CALU: variants seen among roughly 807,000 people sequenced by gnomAD.
The protein encoded by CALU is IEF SSP 9302.
CALU carries 13 observed loss-of-function variants against 37.5 expected under a neutral mutation model. That is an observed-to-expected ratio of 0.35 (90% CI 0.23 to 0.55). The LOEUF is 0.55. CALU is among the 20% of genes least tolerant of loss of function. The pLI is 0.89. For synonymous variants in CALU, 114 were observed against 133.8 expected, an observed-to-expected ratio of 0.85 and a Z score of 1.02; for missense variants, 282 against 391.7, an observed-to-expected ratio of 0.72 and a Z score of 2.36.
At chr7:128,749,820 A>C (rs1185398748) in intron 2 of CALU, among the ~76,000 whole-genome samples, 1 of 152,264 alleles carries the variant, frequency 6.6e-6, no homozygotes, top group Non-Finnish European at 1.5e-5. Flanking sequence ...ATAGCATTTG[A>C]AAGTAGATAG....
intron 3 of CALU, among the ~76,000 whole-genome samples, chr7:128,758,606 G>T (rs1186698681): frequency 6.6e-6 from 1 of 152,174 alleles, no homozygotes; most frequent in Non-Finnish European, 1.5e-5. Flanking sequence ...CCTTCTAGTA[G>T]CCTTAATACC....
rs776598260 is a variant in CALU at position 128,754,396 on chromosome 7, A to G, written c.356A>G (p.Asn119Ser). The G allele has an allele frequency of 1.2e-5, 19 of 1,614,190 alleles. No homozygotes were observed. Among genetic ancestry groups the G allele is most frequent in the East Asian group, 4.5e-5 (2 of 44,884 alleles). The change falls in exon 3 of 7, where the codon AAT (asparagine) becomes AGT (serine). Residue 119 changes from asparagine (N) to serine (S), a missense_variant. By Grantham distance (46) the Asn-to-Ser change is conservative (BLOSUM62 1). Coordinates refer to ENST00000249364, the MANE Select transcript of CALU (RefSeq NM_001219.5). ...CGACAGTGGAAGGGGCATGACCTCA[A>G]TGAGGACGGCCTCGTTTCCTGGGAG... ...VERQWKGHDLNEDGLVSWEEY... is the reference protein window; with the variant it reads ...VERQWKGHDLSEDGLVSWEEY...
chr7:128,758,967 C>T lies in CALU; in HGVS notation c.512C>T (p.Ala171Val). ...GCAGACAAGGATGGAGACCTCATTG[C>T]CACCAAGGAGGAGTTCACAGCTTTC... is the stretch of plus-strand genomic sequence containing the variant. ...KMADKDGDLI[A>V]TKEEFTAFLH... The change falls in exon 4 of 7, where the codon GCC (alanine) becomes GTC (valine). Residue 171 changes from alanine (A) to valine (V), a missense_variant. Transcript: ENST00000249364. 3 of 1,612,512 alleles carry T rather than the reference C, an allele frequency of 1.9e-6. No individual in the cohort carries two copies. The highest frequency in any genetic ancestry group is 1.7e-6 in the Non-Finnish European group (2 of 1,178,610).
intron 1 of CALU, among the ~76,000 whole-genome samples, chr7:128,742,455 C>T (rs1800275069): frequency 6.6e-6 from 1 of 152,212 alleles, no homozygotes; most frequent in African/African-American, 2.4e-5. Context: ...TTTGGTCAAC[C>T]ATAATAACTG....
In CALU at chr7:128,754,404, G is replaced by A. The variant is rs780108940; in HGVS notation, c.364G>A (p.Gly122Ser). 3.7e-5 allele frequency: 59 copies of A among 1,613,968 alleles called. No homozygotes were observed. The highest frequency in any genetic ancestry group is 4.3e-5 in the Non-Finnish European group (51 of 1,180,008). Residue 122 changes from glycine to serine, a missense_variant, in exon 3 of 7, where the codon GGC (glycine) becomes AGC (serine). Transcript: ENST00000249364. ...GAAGGGGCATGACCTCAATGAGGAC[G>A]GCCTCGTTTCCTGGGAGGAGTATAA... ...QWKGHDLNED[G>S]LVSWEEYKNA...
intron 1 of CALU, among the ~76,000 whole-genome samples, chr7:128,741,592 A>G (rs539853816): frequency 6.6e-6 from 1 of 152,336 alleles, no homozygotes; most frequent in African/African-American, 2.4e-5. Context: ...ATAACAGATC[A>G]CTTCCAGCTA....
chr7:128,769,652 T>A lies in CALU; in HGVS notation c.*485T>A, dbSNP rs754227883. ...ATATTTAGAGAGAGAACACTTAGTC[T>A]TGCCTGTCAAAAAGTCCAACATTTC... On this transcript the variant is annotated 3_prime_UTR_variant, in exon 7 of 7. Transcript: ENST00000249364. 6.6e-6 allele frequency: 1 copy of A among 152,472 alleles called. No homozygotes were observed. The highest frequency in any genetic ancestry group is 2.4e-5 in the African/African-American group (1 of 41,464). The allele number at this position is 152,472 out of a possible 1,614,324, so 9.4% of individuals were successfully genotyped here.
chr7:128,744,041 A>G lies in CALU; in HGVS notation c.-11-4532A>G, dbSNP rs112353398. Among the ~76,000 whole-genome samples, 706 of 152,198 alleles carry G rather than the reference A, an allele frequency of 4.6e-3. 2 individuals are homozygous for G. Among genetic ancestry groups the G allele is most frequent in the African/African-American group, 0.015 (622 of 41,516 alleles). On this transcript the variant is annotated intron_variant, in intron 1 of 6. Transcript: ENST00000249364. Reference sequence around the variant, plus strand: ...GACAACATGGTGAAACCCTGTATCTACTAAAAATACAAAAATTATTCGGGC... The same window carrying G: ...GACAACATGGTGAAACCCTGTATCTGCTAAAAATACAAAAATTATTCGGGC...
intron 3 of CALU, 200 bp downstream of exon 3, chr7:128,754,655 T>C: frequency 6.4e-7 from 1 of 1,552,310 alleles, no homozygotes. Flanking sequence ...GGCAGGAGTT[T>C]GATATGAATC....
intron 5 of CALU, among the ~76,000 whole-genome samples, chr7:128,763,769 C>T (rs1014608916): frequency 1.3e-5 from 2 of 152,172 alleles, no homozygotes; most frequent in African/African-American, 4.8e-5. Context: ...GTACAAACTA[C>T]ATTTTCTGAA....
At chr7:128,766,534 T>A (rs1410130726) in intron 5 of CALU, among the ~76,000 whole-genome samples, 1 of 151,666 alleles carries the variant, frequency 6.6e-6, no homozygotes, top group African/African-American at 2.4e-5. Flanking sequence ...GTTCAAGTGA[T>A]TCTTTTGCCT....
intron 5 of CALU, 128 bp from the exon 6 acceptor site, chr7:128,767,328 A>G (rs945887158): frequency 1.4e-6 from 1 of 727,696 alleles, no homozygotes; most frequent in Admixed American, 2.0e-5. Context: ...TGTCTGGCCT[A>G]AAATACCCTT....
intron 3 of CALU, among the ~76,000 whole-genome samples, chr7:128,757,236 T>C (rs953115144): frequency 6.6e-6 from 1 of 152,208 alleles, no homozygotes; most frequent in Middle Eastern, 3.2e-3. Context: ...AAAGTATAAG[T>C]TGTCTTGTTA....
rs755727883 is a variant in CALU, at chr7:128,767,465, A to G, written c.653A>G (p.Tyr218Cys). The G allele has an allele frequency of 6.2e-7, 1 of 1,612,786 alleles. No individual in the cohort carries two copies. Among genetic ancestry groups the G allele is most frequent in the Non-Finnish European group, 8.5e-7 (1 of 1,178,734 alleles). The change falls in exon 6 of 7, where the codon TAC becomes TGC. Residue 218 changes from tyrosine (Y) to cysteine (C), a missense_variant. Physicochemically the swap from Tyr to Cys is radical, Grantham distance 194. Transcript: ENST00000249364. ...ATGTCTGTGTACCCAGGTGACATGTACAGCCATGATGGGAATACTGATGAG... is the reference window on the plus strand; with the variant it reads ...ATGTCTGTGTACCCAGGTGACATGTGCAGCCATGATGGGAATACTGATGAG... The part of the protein sequence containing the change: ...IDLEEYIGDM[Y>C]SHDGNTDEPE...
At chr7:128,752,708 G>T (rs553699530) in intron 2 of CALU, among the ~76,000 whole-genome samples, 3 of 151,978 alleles carry the variant, frequency 2.0e-5, no homozygotes, top group Admixed American at 2.0e-4. Flanking sequence ...TTTCTGAGAC[G>T]AAGTCTTGCT....
At chr7:128,749,300 TCAAAC>T (rs1800568237) in intron 2 of CALU, among the ~76,000 whole-genome samples, 1 of 152,202 alleles carries the variant, frequency 6.6e-6, no homozygotes, top group Admixed American at 6.5e-5. Context: ...AAAACAAAAA[TCAAAC>T]CAACTTTGTC....
intron 1 of CALU, among the ~76,000 whole-genome samples, chr7:128,744,478 A>G (rs1800356984): frequency 6.6e-6 from 1 of 152,042 alleles, no homozygotes; most frequent in Non-Finnish European, 1.5e-5. Flanking sequence ...GAGTTGTTAT[A>G]TATGTGGGCA....
intron 1 of CALU, among the ~76,000 whole-genome samples, chr7:128,742,076 C>T (rs1346806443): frequency 6.6e-6 from 1 of 152,170 alleles, no homozygotes; most frequent in Admixed American, 6.5e-5. Context: ...GATGTAACTT[C>T]ATCACTAGAG....
In CALU at chr7:128,739,364, C is replaced by A. The variant is rs944956522; in HGVS notation, c.-80C>A. ...CCCGCTTCCGGTTGGGCGGTGCTTGCGCGCGTGAGCTGAGCCGGTGGGTGA... is the reference window on the plus strand; with the variant it reads ...CCCGCTTCCGGTTGGGCGGTGCTTGAGCGCGTGAGCTGAGCCGGTGGGTGA... On this transcript the variant is annotated 5_prime_UTR_variant, in exon 1 of 7. Coordinates refer to ENST00000249364, the MANE Select transcript of CALU (RefSeq NM_001219.5). 2.0e-5 allele frequency: 3 copies of A among 152,510 alleles called. No individual in the cohort carries two copies. The highest frequency in any genetic ancestry group is 4.4e-5 in the Non-Finnish European group (3 of 68,302). 9.4% of individuals were successfully genotyped at this position (152,510 alleles called of 1,614,324 possible).
Sources: allele counts gnomAD v4.1 joint callset (sites outside exome capture counted in the v4.1 genomes callset), GRCh38; gene constraint gnomAD v4.1.1; transcripts MANE v1.5; gene names NCBI Gene and HGNC (gene_info 2026-07-23, HGNC 2026-07-21).